PDE10A: variants seen among roughly 807,000 people sequenced by gnomAD.
PDE10A encodes the protein phosphodiesterase 10A.
In PDE10A, 39 loss-of-function variants were observed where a neutral mutation model predicts 97.7. The observed-to-expected ratio is 0.40, with a 90% CI of 0.31 to 0.52. The LOEUF is 0.52. Among genes scored for constraint, PDE10A ranks in the 20% least tolerant of loss-of-function variants. PDE10A has a pLI of 0.56. For missense variants in PDE10A, 731 were observed against 1,047.8 expected, an observed-to-expected ratio of 0.70 and a Z score of 4.17; for synonymous variants, 371 against 376.8, an observed-to-expected ratio of 0.98 and a Z score of 0.18.
chr6:165,858,657 C>T (rs2128476237), intron 1 of PDE10A, among the ~76,000 whole-genome samples: 1 of 152,336 alleles, frequency 6.6e-6, no homozygotes, highest in East Asian at 1.9e-4. Flanking sequence ...CTGCTCACAA[C>T]AGGAAATACA....
intron 1 of PDE10A, among the ~76,000 whole-genome samples, chr6:165,584,226 G>A (rs959805016): frequency 3.9e-5 from 6 of 152,208 alleles, no homozygotes; most frequent in African/African-American, 1.4e-4. Flanking sequence ...TCAGTGCACT[G>A]CAGTTTTCTG....
intron 1 of PDE10A, among the ~76,000 whole-genome samples, chr6:165,577,422 GCTCAAGAAA>G (rs1251101851): frequency 6.6e-6 from 1 of 152,172 alleles, no homozygotes; most frequent in Non-Finnish European, 1.5e-5. Context: ...AACACTCCAT[GCTCAAGAAA>G]CTCTGGGAAG....
At chr6:165,860,070 G>A (rs1347434287) in intron 1 of PDE10A, among the ~76,000 whole-genome samples, 1 of 152,164 alleles carries the variant, frequency 6.6e-6, no homozygotes, top group Non-Finnish European at 1.5e-5. Flanking sequence ...AGGGATAAAA[G>A]GCTACAAATT....
chr6:165,443,458 T>A (rs983798211), intron 5 of PDE10A, among the ~76,000 whole-genome samples: 1 of 152,142 alleles, frequency 6.6e-6, no homozygotes, highest in African/African-American at 2.4e-5. Flanking sequence ...ATGGCCCCTG[T>A]GGCTGCTTTC....
chr6:165,378,709 G>T (rs1243497774), intron 18 of PDE10A, among the ~76,000 whole-genome samples: 2 of 152,140 alleles, frequency 1.3e-5, no homozygotes, highest in Non-Finnish European at 2.9e-5. Context: ...TCTACCCCAT[G>T]GGATGCCAAT....
chr6:165,782,403 C>CA (rs1275134795), intron 1 of PDE10A, among the ~76,000 whole-genome samples: 2 of 152,222 alleles, frequency 1.3e-5, no homozygotes, highest in Non-Finnish European at 2.9e-5. Context: ...CAAACCTCGT[C>CA]AGAGTCCACA....
chr6:165,563,667 G>A (rs761473715), intron 1 of PDE10A, among the ~76,000 whole-genome samples: 9 of 152,110 alleles, frequency 5.9e-5, no homozygotes, highest in South Asian at 4.2e-4. Flanking sequence ...AGGCAGGCCC[G>A]ATCACTTGAG....
At chr6:165,566,655 G>A (rs1289062558) in intron 1 of PDE10A, among the ~76,000 whole-genome samples, 1 of 151,522 alleles carries the variant, frequency 6.6e-6, no homozygotes, top group Non-Finnish European at 1.5e-5. Flanking sequence ...AGCAAAGCCA[G>A]GACAAATCAC....
upstream of PDE10A, among the ~76,000 whole-genome samples, chr6:165,666,703 C>T (rs890388198): frequency 3.4e-5 from 5 of 149,022 alleles, no homozygotes; most frequent in Admixed American, 3.4e-4. Flanking sequence ...TTCCAGGAAA[C>T]CTCCTTCAAT....
At chr6:165,673,284 T>C (rs1790699802) in intron 1 of PDE10A, among the ~76,000 whole-genome samples, 1 of 152,242 alleles carries the variant, frequency 6.6e-6, no homozygotes, top group Non-Finnish European at 1.5e-5. Flanking sequence ...TATAGAATTC[T>C]ATTTACAAAA....
chr6:165,499,295 C>A (rs1319585836), intron 2 of PDE10A, among the ~76,000 whole-genome samples: 2 of 152,126 alleles, frequency 1.3e-5, no homozygotes, highest in African/African-American at 4.8e-5. Flanking sequence ...ACTTACATCT[C>A]CAGAAGGAAT....
chr6:165,367,896 A>T (rs113748597), intron 18 of PDE10A, among the ~76,000 whole-genome samples: 1 of 152,232 alleles, frequency 6.6e-6, no homozygotes, highest in Non-Finnish European at 1.5e-5. Context: ...TTTGGGCTCA[A>T]ATGAAATGAT....
chr6:165,970,295 A>G (rs1046627629), intron 1 of PDE10A, among the ~76,000 whole-genome samples: 1 of 152,252 alleles, frequency 6.6e-6, no homozygotes, highest in Admixed American at 6.5e-5. Context: ...TTATTAGAAC[A>G]ACTGACAAAA....
At chr6:165,522,023 G>C (rs1008583346) in intron 2 of PDE10A, among the ~76,000 whole-genome samples, 8 of 152,140 alleles carry the variant, frequency 5.3e-5, no homozygotes, top group African/African-American at 1.9e-4. Context: ...TTGTAAGGCT[G>C]AATAATATTT....
intron 1 of PDE10A, among the ~76,000 whole-genome samples, chr6:165,811,054 T>C (rs1285996167): frequency 6.6e-6 from 1 of 152,064 alleles, no homozygotes; most frequent in Non-Finnish European, 1.5e-5. Context: ...TGAAACCCCA[T>C]CTCTACTAAA....
intron 1 of PDE10A, among the ~76,000 whole-genome samples, chr6:165,893,095 A>G (rs1334917097): frequency 1.3e-5 from 2 of 152,222 alleles, no homozygotes; most frequent in Non-Finnish European, 2.9e-5. Context: ...CTTTAACTCC[A>G]TTTTGAAATA....
intron 4 of PDE10A, among the ~76,000 whole-genome samples, chr6:165,450,022 A>G (rs746524685): frequency 1.3e-5 from 2 of 152,234 alleles, no homozygotes; most frequent in Non-Finnish European, 2.9e-5. Flanking sequence ...TTACCTGTAT[A>G]TATCAGGCAG....
chr6:165,364,056 T>G (rs1002791216), intron 18 of PDE10A, among the ~76,000 whole-genome samples: 2 of 152,128 alleles, frequency 1.3e-5, no homozygotes, highest in Non-Finnish European at 2.9e-5. Context: ...GTGAAAACAA[T>G]ATCGGGAAAG....
intron 2 of PDE10A, among the ~76,000 whole-genome samples, chr6:165,525,312 G>A (rs943568359): frequency 3.9e-5 from 6 of 152,154 alleles, no homozygotes; most frequent in African/African-American, 9.6e-5. Context: ...ACTGATTTGG[G>A]CCCACTAAGT....
Sources: gnomAD v4.1 joint callset for allele counts (sites outside exome capture counted in the v4.1 genomes callset) on GRCh38, gnomAD v4.1.1 for gene constraint, MANE v1.5 for transcripts, NCBI Gene and HGNC (gene_info 2026-07-23, HGNC 2026-07-21) for gene names.